The following LHX8 variants were observed in gnomAD, a reference collection of about 807,000 sequenced individuals.
LHX8 encodes LIM/homeobox protein Lhx8.
A neutral mutation model predicts 40.3 loss-of-function variants in LHX8; 12 were observed. The ratio of observed to expected loss-of-function variants is 0.30; its 90% CI spans 0.19 to 0.48. LHX8 has a LOEUF of 0.48. Ranked by LOEUF, LHX8 falls within the 20% of genes least tolerant of loss-of-function variation. The pLI is 0.99. For missense variants in LHX8, 344 were observed against 433.7 expected, an observed-to-expected ratio of 0.79 and a Z score of 1.84; for synonymous variants, 179 against 162.0, an observed-to-expected ratio of 1.10 and a Z score of -0.80.
chr1:75,185,125 C>CAA, the LHX8 span, among the ~76,000 whole-genome samples: 849 of 148,378 alleles, frequency 5.7e-3, 10 homozygotes, highest in African/African-American at 0.02. Context: ...GCCTACTAGC[C>CAA]AAAAAAAAAG....
rs376714211 is a variant in LHX8, at chr1:75,152,464, C to G, written c.780+3782C>G. On this transcript the variant is annotated intron_variant, in intron 7 of 8. Transcript: ENST00000356261. ...GAGACAGAGTAAACTATTGCTATTT[C>G]TTCCAATCAGTGTACTAGGAATACC... Among the ~76,000 whole-genome samples the G allele has an allele frequency of 3.8e-3, 572 of 152,304 alleles. 4 individuals carry two copies. Among genetic ancestry groups the G allele is most frequent in the African/African-American group, 0.013 (531 of 41,562 alleles).
upstream of LHX8, among the ~76,000 whole-genome samples, chr1:75,132,140 G>A (rs539143635): frequency 1.3e-5 from 2 of 152,142 alleles, no homozygotes; most frequent in South Asian, 2.1e-4. Flanking sequence ...GATGAGCGTG[G>A]GTAAGAGGCG....
At chr1:75,131,605 A>G (rs777367397), upstream of LHX8, 5 of 152,264 alleles carry the variant, frequency 3.3e-5, no homozygotes, top group Non-Finnish European at 5.9e-5. Context: ...TCGCAGCCCA[A>G]TTAGGCAGCT....
At chr1:75,193,938 G>A in the LHX8 span, among the ~76,000 whole-genome samples, 1 of 152,088 alleles carries the variant, frequency 6.6e-6, no homozygotes, top group Admixed American at 6.5e-5. Flanking sequence ...CTGACTTTCT[G>A]ATGATTCACA....
chr1:75,187,259 T>G, the LHX8 span, among the ~76,000 whole-genome samples: 2 of 152,096 alleles, frequency 1.3e-5, no homozygotes, highest in East Asian at 1.9e-4. Context: ...CAGTAAAGTT[T>G]GAAAACTACC....
the LHX8 span, among the ~76,000 whole-genome samples, chr1:75,181,807 G>A: frequency 6.6e-6 from 1 of 152,134 alleles, no homozygotes; most frequent in Admixed American, 6.5e-5. Flanking sequence ...GCAGACCGGA[G>A]CTGTTCCTGT....
At chr1:75,159,736 C>T (rs1310877659) in intron 8 of LHX8, 1 of 152,064 alleles carries the variant, frequency 6.6e-6, no homozygotes, top group Non-Finnish European at 1.5e-5. Context: ...TTTGCTATTG[C>T]ATTTCAGATG....
the LHX8 span, among the ~76,000 whole-genome samples, chr1:75,173,028 C>A: frequency 2.6e-5 from 4 of 152,286 alleles, no homozygotes; most frequent in Admixed American, 2.0e-4. Context: ...CAGTCTCTTT[C>A]TTTTGAAGAA....
At chr1:75,166,084 C>T (rs541751947), downstream of LHX8, among the ~76,000 whole-genome samples, 1 of 152,314 alleles carries the variant, frequency 6.6e-6, no homozygotes, top group East Asian at 1.9e-4. Context: ...ATCAGGCACT[C>T]TGAGGCCGGG....
At chr1:75,183,836 G>A in the LHX8 span, among the ~76,000 whole-genome samples, 23 of 152,256 alleles carry the variant, frequency 1.5e-4, no homozygotes, top group South Asian at 1.0e-3. Context: ...GAGTGGTAAG[G>A]TAGATAGAAA....
chr1:75,187,773 G>A, the LHX8 span, among the ~76,000 whole-genome samples: 59 of 152,204 alleles, frequency 3.9e-4, no homozygotes, highest in African/African-American at 1.4e-3. Context: ...TGTTCAGTGG[G>A]GTCACCTGAA....
chr1:75,169,110 G>A, the LHX8 span, among the ~76,000 whole-genome samples: 3 of 152,054 alleles, frequency 2.0e-5, no homozygotes, highest in Admixed American at 2.0e-4. Flanking sequence ...TCATGGGGTG[G>A]CCACTTCACA....
At chr1:75,194,296 G>A in the LHX8 span, among the ~76,000 whole-genome samples, 1 of 152,130 alleles carries the variant, frequency 6.6e-6, no homozygotes, top group Admixed American at 6.5e-5. Context: ...GCATCCTGGA[G>A]GTCCCTGCCA....
At chr1:75,151,677 T>C (rs1648616752) in intron 7 of LHX8, among the ~76,000 whole-genome samples, 1 of 152,204 alleles carries the variant, frequency 6.6e-6, no homozygotes, top group Non-Finnish European at 1.5e-5. Context: ...CTTTGGCAGG[T>C]AGTTCCGACT....
At chr1:75,146,759 C>T (rs1233481840) in intron 6 of LHX8, among the ~76,000 whole-genome samples, 1 of 152,118 alleles carries the variant, frequency 6.6e-6, no homozygotes, top group African/African-American at 2.4e-5. Flanking sequence ...GAACAATCAA[C>T]TCATCTTACT....
At chr1:75,170,730 T>A in the LHX8 span, among the ~76,000 whole-genome samples, 1 of 152,272 alleles carries the variant, frequency 6.6e-6, no homozygotes, top group South Asian at 2.1e-4. Flanking sequence ...GGATCAGAAG[T>A]CTCTGTCTCT....
At chr1:75,135,371 C>A (rs916522820) in intron 1 of LHX8, among the ~76,000 whole-genome samples, 13 of 152,354 alleles carry the variant, frequency 8.5e-5, no homozygotes, top group African/African-American at 3.1e-4. Context: ...TGCTCCGAAG[C>A]CGGTTGGGGA....
rs1056604181 is a variant in LHX8, at chr1:75,143,954, C to T, written c.684+6C>T. ...TTACAGCAGATCAGCTTCAGGTAAG[C>T]ATAACAATGAATTTTTTATTTTTGA... On this transcript the variant is annotated splice_donor_region_variant and intron_variant, in intron 6 of 8. Coordinates refer to ENST00000356261, the MANE Select transcript of LHX8 (RefSeq NM_001256114.2). 3.7e-6 allele frequency: 6 copies of T among 1,610,888 alleles called. No homozygotes were observed. Among genetic ancestry groups the T allele is most frequent in the Admixed American group, 3.3e-5 (2 of 59,864 alleles).
the LHX8 span, among the ~76,000 whole-genome samples, chr1:75,172,107 T>A: frequency 5.8e-3 from 879 of 152,264 alleles, 9 homozygotes; most frequent in African/African-American, 0.02. Context: ...ATTCCTCTCT[T>A]GCAACAATAC....
Sources: gnomAD v4.1 joint callset for allele counts (sites outside exome capture counted in the v4.1 genomes callset) on GRCh38, gnomAD v4.1.1 for gene constraint, MANE v1.5 for transcripts, NCBI Gene and HGNC (gene_info 2026-07-23, HGNC 2026-07-21) for gene names.